Variants in CEP290 observed in about 807,000 individuals in gnomAD.
CEP290 encodes centrosomal protein of 290 kDa.
A neutral mutation model predicts 344.9 loss-of-function variants in CEP290; 317 were observed. The observed-to-expected ratio is 0.92, with a 90% CI of 0.84 to 1.01. The LOEUF (loss-of-function observed/expected upper bound fraction) is 1.01, where lower values mean the gene tolerates loss of function less well. Among genes scored for constraint, CEP290 ranks in the 50% least tolerant of loss-of-function variants. The pLI is 0.00. For missense variants in CEP290, 2,754 were observed against 2,761.4 expected (o/e 1.00, Z 0.06); for synonymous variants, 932 against 895.8 (o/e 1.04, Z -0.72).
chr12:88,129,678 TA>T lies in CEP290; in HGVS notation c.852+15del. 1 of 1,319,910 alleles carries T rather than the reference TA, an allele frequency of 7.6e-7. No individual in the cohort carries two copies. The highest frequency in any genetic ancestry group is 1.0e-6 in the Non-Finnish European group (1 of 966,602). 81.8% of individuals were successfully genotyped at this position (1,319,910 alleles called of 1,614,324 possible). A position where few individuals can be genotyped will look rare whatever the true frequency, so the allele number is the denominator to read the frequency against. On this transcript the variant is annotated intron_variant, in intron 10 of 53. Coordinates refer to ENST00000552810, the MANE Select transcript of CEP290 (RefSeq NM_025114.4). ...TGAAGTCTGAATAAATAAGTTATTC[TA>T]AAAGTAATTCTTACTTGAAGTTGAT...
chr12:88,109,552 T>G (rs1225530472), intron 22 of CEP290, among the ~76,000 whole-genome samples: 1 of 152,214 alleles, frequency 6.6e-6, no homozygotes, highest in Non-Finnish European at 1.5e-5. Context: ...AATTGAAATT[T>G]AAATAACTTA....
Position 88,061,108 on chromosome 12 carries a change from CTG to C in CEP290, c.6358-116_6358-115del, listed in dbSNP as rs2136754723. The C allele has an allele frequency of 4.2e-6, 3 of 710,144 alleles. No homozygotes were observed. The South Asian group carries it at 8.8e-5, about 21-fold the overall frequency. The allele number at this position is 710,144 out of a possible 1,614,324, so 44.0% of individuals were successfully genotyped here. On this transcript the variant is annotated intron_variant, in intron 46 of 53. Coordinates refer to ENST00000552810, the MANE Select transcript of CEP290 (RefSeq NM_025114.4). Reference sequence around the variant, plus strand: ...TAATTCCTAATATTTGAAGTCAAAACTGTATTAATTCAATTCATCCTTAAAAC... The same window carrying C: ...TAATTCCTAATATTTGAAGTCAAAACTATTAATTCAATTCATCCTTAAAAC...
chr12:88,121,130 AT>A lies in CEP290; in HGVS notation c.1225del (p.Ile409PhefsTer5), dbSNP rs1287628446. 1.9e-6 allele frequency: 3 copies of A among 1,613,252 alleles called. No homozygotes were observed. The highest frequency in any genetic ancestry group is 2.5e-6 in the Non-Finnish European group (3 of 1,179,646). ...TTTTAAAATGTCTAACGTTGACTGA[AT>A]TTTCATATGAGTCTGTTGAGAAAGG... ...STLSQQTHMK[I>X]QSTLDILKEK... On this transcript the variant is annotated frameshift_variant, in exon 14 of 54. Coordinates refer to ENST00000552810, the MANE Select transcript of CEP290 (RefSeq NM_025114.4). LOFTEE classifies it high-confidence loss of function.
Position 88,084,933 on chromosome 12 carries a change from T to C in CEP290, c.4438-81A>G, listed in dbSNP as rs539454143. ...TTCATCTGAATTTTAGATTAGTTAT[T>C]AGCCAAAAAAAATTCACTTTATTTT... On this transcript the variant is annotated intron_variant, in intron 34 of 53. Coordinates refer to ENST00000552810, the MANE Select transcript of CEP290 (RefSeq NM_025114.4). 7.8e-6 allele frequency: 9 copies of C among 1,153,060 alleles called. No individual in the cohort carries two copies. The African/African-American group carries it at 1.1e-4, about 14-fold the overall frequency. The allele number at this position is 1,153,060 out of a possible 1,614,324, so 71.4% of individuals were successfully genotyped here.
intron 13 of CEP290, among the ~76,000 whole-genome samples, chr12:88,122,310 C>T (rs2039453880): frequency 6.6e-6 from 1 of 152,056 alleles, no homozygotes; most frequent in Non-Finnish European, 1.5e-5. Context: ...TAACTCTTGC[C>T]CCTCTTCCTC....
chr12:88,109,911 T>G (rs1458092913), intron 22 of CEP290, among the ~76,000 whole-genome samples: 3 of 151,978 alleles, frequency 2.0e-5, no homozygotes, highest in Non-Finnish European at 4.4e-5. Context: ...TTCCTATACC[T>G]CAGGTAAATA....
intron 49 of CEP290, among the ~76,000 whole-genome samples, chr12:88,056,598 T>G (rs1592728948): frequency 1.3e-5 from 2 of 152,276 alleles, no homozygotes; most frequent in South Asian, 4.1e-4. Context: ...ACTCCTTCAC[T>G]TCATCTAATT....
intron 50 of CEP290, among the ~76,000 whole-genome samples, 159 bp from the exon 51 acceptor site, chr12:88,054,572 TTGAG>T (rs1482471490): frequency 6.6e-6 from 1 of 152,162 alleles, no homozygotes; most frequent in Non-Finnish European, 1.5e-5. Context: ...TCAACAAGTA[TTGAG>T]TAACTACTGC....
intron 6 of CEP290, chr12:88,136,235 G>C (rs2040348333): frequency 5.8e-6 from 1 of 171,418 alleles, no homozygotes; most frequent in South Asian, 1.5e-4. Flanking sequence ...TATATCGAAA[G>C]ATTCATTTGC....
Position 88,130,304 on chromosome 12 carries a change from T to G in CEP290, c.633A>C (p.Lys211Asn). 6.2e-7 allele frequency: 1 copy of G among 1,606,662 alleles called. No homozygotes were observed. Among genetic ancestry groups the G allele is most frequent in the Non-Finnish European group, 8.5e-7 (1 of 1,177,806 alleles). The change falls in exon 9 of 54, where the codon AAA becomes AAC. Residue 211 changes from lysine to asparagine, a missense_variant. Lys to Asn is a moderately conservative substitution (Grantham distance 94). Transcript: ENST00000552810. ...CAAGATATTGGATAAGCTCATAGTT[T>G]TTTTTAGACAACTGTGATCGGTAGT... ...DSDYRSQLSKKNYELIQYLDE... is the reference protein window; with the variant it reads ...DSDYRSQLSKNNYELIQYLDE...
In CEP290 at chr12:88,064,006, G is replaced by A. The variant is rs767592034; in HGVS notation, c.6245C>T (p.Ala2082Val). 6.3e-7 allele frequency: 1 copy of A among 1,597,164 alleles called. No homozygotes were observed. The highest frequency in any genetic ancestry group is 1.3e-5 in the African/African-American group (1 of 74,506). The change falls in exon 45 of 54, where the codon GCA (alanine) becomes GTA (valine). Residue 2082 changes from alanine to valine, a missense_variant. Coordinates refer to ENST00000552810, the MANE Select transcript of CEP290 (RefSeq NM_025114.4). ...CTTTAATCTTGGCAAATCTTTATTT[G>A]CTTGTTCAAGCTGAAATTTCAGTTC... is the stretch of plus-strand genomic sequence containing the variant. ...NIELKFQLEQ[A>V]NKDLPRLKNQ...
At chr12:88,139,937 G>A (rs768759628) in intron 3 of CEP290, among the ~76,000 whole-genome samples, 6 of 151,936 alleles carry the variant, frequency 3.9e-5, no homozygotes, top group Non-Finnish European at 7.4e-5. Flanking sequence ...AAATTTTTTC[G>A]TACAGGCAAG....
In CEP290 at chr12:88,114,059, C is replaced by T. The variant is rs147207131; in HGVS notation, c.2052+361G>A. On this transcript the variant is annotated intron_variant, in intron 20 of 53. Transcript: ENST00000552810. ...ATCATCTTTCTCATCTAGAAAACCA[C>T]AGGATACAGCCCAAAGCCATGGGAT... Among the ~76,000 whole-genome samples the T allele has an allele frequency of 9.9e-3, 1,499 of 152,020 alleles. 21 individuals are homozygous for T. The highest frequency in any genetic ancestry group is 0.035 in the African/African-American group (1,446 of 41,480).
chr12:88,064,798 C>A (rs905385012), intron 44 of CEP290, among the ~76,000 whole-genome samples: 2 of 152,044 alleles, frequency 1.3e-5, no homozygotes, highest in Non-Finnish European at 1.5e-5. Flanking sequence ...TTCTAGGTCT[C>A]CAGAACTAAG....
In CEP290 at chr12:88,096,907, C is replaced by T; in HGVS notation, c.3084G>A (p.Trp1028Ter). 6.4e-7 allele frequency: 1 copy of T among 1,564,350 alleles called. No individual in the cohort carries two copies. The highest frequency in any genetic ancestry group is 8.7e-7 in the Non-Finnish European group (1 of 1,148,416). The change falls in exon 27 of 54, where the codon TGG becomes TGA. Residue 1028 changes from tryptophan (W) to a stop codon, truncating the protein, a stop_gained. Transcript: ENST00000552810. LOFTEE classifies it high-confidence loss of function. ...KEKLHTIEQAWEQETKLGNES... is the reference protein window; with the variant it reads ...KEKLHTIEQA ...ACTTACCTAATTTAGTTTCCTGTTC[C>T]CAGGCTTGTTCAATAGTGTGAAGTT...
chr12:88,090,714 A>C lies in CEP290; in HGVS notation c.3573+14T>G, dbSNP rs769955055. ...AAAGTGGATTCTATGTAGAAGAGCCAATACTGCACATACCTGATAGTCTAG... is the reference window on the plus strand; with the variant it reads ...AAAGTGGATTCTATGTAGAAGAGCCCATACTGCACATACCTGATAGTCTAG... On this transcript the variant is annotated intron_variant, in intron 30 of 53. Coordinates refer to ENST00000552810, the MANE Select transcript of CEP290 (RefSeq NM_025114.4). 2 of 1,435,694 alleles carry C rather than the reference A, an allele frequency of 1.4e-6. No homozygotes were observed. Among genetic ancestry groups the C allele is most frequent in the Non-Finnish European group, 1.9e-6 (2 of 1,042,594 alleles). 88.9% of individuals were successfully genotyped at this position (1,435,694 alleles called of 1,614,324 possible).
intron 23 of CEP290, among the ~76,000 whole-genome samples, chr12:88,108,388 T>C (rs1036659663): frequency 1.1e-4 from 17 of 152,352 alleles, no homozygotes; most frequent in Admixed American, 3.3e-4. Context: ...ATCATCTTTC[T>C]TGAATTCATG....
At chr12:88,131,602 T>C (rs758441933) in intron 6 of CEP290, among the ~76,000 whole-genome samples, 6 of 152,160 alleles carry the variant, frequency 3.9e-5, no homozygotes, top group African/African-American at 7.2e-5. Context: ...ATTCAGCTTA[T>C]CTACTTAAAT....
chr12:88,061,460 A>G (rs1280211324), intron 46 of CEP290, among the ~76,000 whole-genome samples: 3 of 152,214 alleles, frequency 2.0e-5, no homozygotes, highest in African/African-American at 7.2e-5. Flanking sequence ...TTTCTGTTTA[A>G]TATAAATAGA....
Sources: allele counts gnomAD v4.1 joint callset (sites outside exome capture counted in the v4.1 genomes callset), GRCh38; gene constraint gnomAD v4.1.1; transcripts MANE v1.5; gene names NCBI Gene and HGNC (gene_info 2026-07-23, HGNC 2026-07-21).